The following BCKDHB variants were observed in gnomAD, a reference collection of about 807,000 sequenced individuals.
The protein encoded by BCKDHB is branched chain keto acid dehydrogenase E1 subunit beta.
In BCKDHB, 41 loss-of-function variants were observed where a neutral mutation model predicts 48.5. The ratio of observed to expected loss-of-function variants is 0.85; its 90% CI spans 0.66 to 1.10. The LOEUF (loss-of-function observed/expected upper bound fraction) is 1.10, where lower values mean the gene tolerates loss of function less well. Among genes scored for constraint, BCKDHB ranks in the 50% least tolerant of loss-of-function variants. The pLI, the probability that BCKDHB is intolerant of heterozygous loss-of-function variation, is 0.00. For synonymous variants in BCKDHB, 201 were observed against 174.8 expected (o/e 1.15, Z -1.18); for missense variants, 496 against 494.2 (o/e 1.00, Z -0.03).
intron 8 of BCKDHB, among the ~76,000 whole-genome samples, chr6:80,234,356 C>G (rs902207106): frequency 2.6e-5 from 4 of 152,092 alleles, no homozygotes; most frequent in Non-Finnish European, 5.9e-5. Flanking sequence ...AGAGACTTAA[C>G]TTTTTCTTGG....
At chr6:80,161,300 A>T (rs991179540) in intron 3 of BCKDHB, among the ~76,000 whole-genome samples, 6 of 150,952 alleles carry the variant, frequency 4.0e-5, no homozygotes, top group African/African-American at 1.5e-4. Flanking sequence ...TTTTTATACT[A>T]CCTGAGCTAA....
chr6:80,419,749 C>G, the BCKDHB span, among the ~76,000 whole-genome samples: 474 of 152,338 alleles, frequency 3.1e-3, 2 homozygotes, highest in Non-Finnish European at 5.3e-3. Context: ...CCTCTTCCCC[C>G]AGAGCCACTG....
At chr6:80,364,471 A>G in the BCKDHB span, among the ~76,000 whole-genome samples, 12 of 152,200 alleles carry the variant, frequency 7.9e-5, no homozygotes, top group African/African-American at 2.9e-4. Context: ...GCCATAAAGT[A>G]CTGGTGAGAG....
At chr6:80,249,041 A>G (rs541580201) in intron 8 of BCKDHB, among the ~76,000 whole-genome samples, 5 of 151,922 alleles carry the variant, frequency 3.3e-5, no homozygotes, top group East Asian at 3.9e-4. Flanking sequence ...ATGATTGACA[A>G]CCATAGGCTG....
intron 8 of BCKDHB, among the ~76,000 whole-genome samples, chr6:80,247,386 A>T (rs926614748): frequency 6.6e-6 from 1 of 152,224 alleles, no homozygotes; most frequent in Non-Finnish European, 1.5e-5. Flanking sequence ...GTTATTTCAC[A>T]CAAGAAGAAT....
intron 8 of BCKDHB, among the ~76,000 whole-genome samples, chr6:80,212,884 T>A (rs973833853): frequency 6.6e-6 from 1 of 152,228 alleles, no homozygotes; most frequent in Non-Finnish European, 1.5e-5. Flanking sequence ...CACCTTTTCC[T>A]TCTTTCCTCT....
chr6:80,426,437 C>G, the BCKDHB span, among the ~76,000 whole-genome samples: 6 of 152,120 alleles, frequency 3.9e-5, no homozygotes, highest in Non-Finnish European at 7.4e-5. Flanking sequence ...TTCAGAACTT[C>G]TTTTCTAATA....
intron 9 of BCKDHB, among the ~76,000 whole-genome samples, chr6:80,278,986 T>A (rs995258452): frequency 6.6e-6 from 1 of 152,226 alleles, no homozygotes; most frequent in East Asian, 1.9e-4. Context: ...AAAATGATTA[T>A]CTGGAAAAAT....
chr6:80,172,956 A>G (rs111517907), intron 6 of BCKDHB, among the ~76,000 whole-genome samples: 235 of 152,286 alleles, frequency 1.5e-3, no homozygotes, highest in Non-Finnish European at 2.4e-3. Context: ...TATCAATGAT[A>G]TATTGTGAAT....
chr6:80,274,734 G>A (rs1324308283), intron 9 of BCKDHB, among the ~76,000 whole-genome samples: 1 of 152,010 alleles, frequency 6.6e-6, no homozygotes, highest in Non-Finnish European at 1.5e-5. Context: ...TTCTGTAAGT[G>A]TGCTTTTAAA....
At chr6:80,374,450 A>T in the BCKDHB span, 41 of 758,590 alleles carry the variant, frequency 5.4e-5, no homozygotes, top group Non-Finnish European at 9.9e-5. Flanking sequence ...CTTTTCATAT[A>T]TGCATACCCT....
chr6:80,267,253 G>T (rs1233986732), intron 8 of BCKDHB, among the ~76,000 whole-genome samples: 1 of 152,036 alleles, frequency 6.6e-6, no homozygotes, highest in Non-Finnish European at 1.5e-5. Flanking sequence ...CTAAGAGAGA[G>T]AGTTGAAGCA....
intron 8 of BCKDHB, among the ~76,000 whole-genome samples, chr6:80,246,309 G>A (rs532715379): frequency 7.2e-5 from 11 of 152,272 alleles, no homozygotes; most frequent in Non-Finnish European, 1.6e-4. Flanking sequence ...TGGTCCCCTG[G>A]TCGTCCCTCG....
chr6:80,161,626 A>G (rs779903666), intron 3 of BCKDHB, among the ~76,000 whole-genome samples: 2 of 151,744 alleles, frequency 1.3e-5, no homozygotes, highest in Non-Finnish European at 2.9e-5. Flanking sequence ...GCTCACTGTC[A>G]CTCTCTCCAG....
Position 80,225,718 on chromosome 6 carries a change from T to G in BCKDHB, c.951+22506T>G, listed in dbSNP as rs1161735178. On this transcript the variant is annotated intron_variant, in intron 8 of 9. Coordinates refer to ENST00000320393, the MANE Select transcript of BCKDHB (RefSeq NM_183050.4). ...CACAGCAACATGATAGTGCTTTAAT[T>G]TTCTCAATGTTTGGCCACATTGTTA... Among the ~76,000 whole-genome samples the G allele has an allele frequency of 3.9e-5, 6 of 152,340 alleles. No individual in the cohort carries two copies. The East Asian group carries it at 1.2e-3, about 29-fold the overall frequency.
chr6:80,172,303 G>T (rs1772955606), intron 6 of BCKDHB, among the ~76,000 whole-genome samples: 1 of 151,812 alleles, frequency 6.6e-6, no homozygotes, highest in South Asian at 2.1e-4. Flanking sequence ...TTTCTACTTA[G>T]TAAGGAACAT....
At chr6:80,211,386 T>C (rs1175623697) in intron 8 of BCKDHB, among the ~76,000 whole-genome samples, 3 of 152,226 alleles carry the variant, frequency 2.0e-5, no homozygotes, top group Non-Finnish European at 2.9e-5. Flanking sequence ...CTACATAATA[T>C]GTCCAAAATC....
intron 8 of BCKDHB, among the ~76,000 whole-genome samples, chr6:80,217,161 A>C (rs1047665773): frequency 6.6e-6 from 1 of 152,116 alleles, no homozygotes; most frequent in African/African-American, 2.4e-5. Context: ...GAAACTCTTG[A>C]ACCCGGGAGG....
intron 3 of BCKDHB, among the ~76,000 whole-genome samples, chr6:80,164,381 C>T (rs1166560699): frequency 6.6e-6 from 1 of 152,184 alleles, no homozygotes; most frequent in East Asian, 1.9e-4. Context: ...ATGCATGGTA[C>T]ACATCCTCAT....
Sources: gnomAD v4.1 joint callset for allele counts (sites outside exome capture counted in the v4.1 genomes callset) on GRCh38, gnomAD v4.1.1 for gene constraint, MANE v1.5 for transcripts, NCBI Gene and HGNC (gene_info 2026-07-23, HGNC 2026-07-21) for gene names.